The following ENDOD1 variants were observed in gnomAD, a reference collection of about 807,000 sequenced individuals.
ENDOD1 encodes the protein endonuclease domain containing 1.
Under a neutral mutation model 6.5 loss-of-function variants are expected in ENDOD1, and 9 were observed. The ratio of observed to expected loss-of-function variants is 1.39; its 90% CI spans 0.84 to 2.43. The LOEUF is 2.43. ENDOD1 is among the 30% of genes most tolerant of loss of function. ENDOD1 has a pLI of 0.00. For synonymous variants in ENDOD1, 255 were observed against 255.2 expected (o/e 1.00, Z 0.01); for missense variants, 648 against 635.5 (o/e 1.02, Z -0.21).
At chr11:95,108,313 G>A (rs903616356) in intron 1 of ENDOD1, among the ~76,000 whole-genome samples, 1 of 152,068 alleles carries the variant, frequency 6.6e-6, no homozygotes, top group African/African-American at 2.4e-5. Flanking sequence ...CAACACCTAC[G>A]GGTGTGCACA....
In ENDOD1 at chr11:95,128,494, CAA is replaced by C. The variant is rs1269880438; in HGVS notation, c.420_421del (p.Gly142ThrfsTer8). 6.2e-7 allele frequency: 1 copy of C among 1,614,090 alleles called. No homozygotes were observed. The highest frequency in any genetic ancestry group is 8.5e-7 in the Non-Finnish European group (1 of 1,180,052). ...TACAGATTACCTTGATTCTGATTAC[CAA>C]AGAGGACAGCTTTACCCATTCTCCC... Reference protein sequence around the residue: ...LNTDYLDSDYQRGQLYPFSLS... With the variant: ...LNTDYLDSDYXRGQLYPFSLS... On this transcript the variant is annotated frameshift_variant, in exon 2 of 2. Transcript: ENST00000278505. LOFTEE classifies it low-confidence loss of function (END_TRUNC).
At chr11:95,109,197 C>G (rs1182404128) in intron 1 of ENDOD1, among the ~76,000 whole-genome samples, 4 of 152,220 alleles carry the variant, frequency 2.6e-5, no homozygotes, top group East Asian at 3.9e-4. Context: ...AGGATCTTGT[C>G]GGAATCATCC....
chr11:95,115,392 T>TG (rs59697031), intron 1 of ENDOD1, among the ~76,000 whole-genome samples: 18,810 of 151,726 alleles, frequency 0.12, 1,472 homozygotes, highest in African/African-American at 0.23. Flanking sequence ...GTTTTTTTTT[T>TG]TGTGTGTGTG....
chr11:95,120,128 CG>C (rs1205473601), intron 1 of ENDOD1, among the ~76,000 whole-genome samples: 5 of 152,088 alleles, frequency 3.3e-5, no homozygotes, highest in Admixed American at 3.3e-4. Context: ...GTCCTAGAAT[CG>C]GGGGCCCCAA....
In ENDOD1 at chr11:95,109,496, T is replaced by C. The variant is rs148829330; in HGVS notation, c.301-18881T>C. ...CACTCCCTGGTGTGCAGGACCATCATGCTAGGTCTGGGAACACAGAGATAA... is the reference window on the plus strand; with the variant it reads ...CACTCCCTGGTGTGCAGGACCATCACGCTAGGTCTGGGAACACAGAGATAA... On this transcript the variant is annotated intron_variant, in intron 1 of 1. Coordinates refer to ENST00000278505, the MANE Select transcript of ENDOD1 (RefSeq NM_015036.3). 2.5e-3 allele frequency among the ~76,000 whole-genome samples: 376 copies of C among 152,372 alleles called. 2 individuals carry two copies. Among genetic ancestry groups the C allele is most frequent in the African/African-American group, 8.5e-3 (354 of 41,578 alleles).
At position 95,130,095 on chromosome 11, in the gene ENDOD1, C is replaced by T. The variant is rs1416742765; in HGVS notation, c.*516C>T. 2 of 152,512 alleles carry T rather than the reference C, an allele frequency of 1.3e-5. No individual in the cohort carries two copies. Among genetic ancestry groups the T allele is most frequent in the Non-Finnish European group, 2.9e-5 (2 of 68,368 alleles). 9.4% of individuals were successfully genotyped at this position (152,512 alleles called of 1,614,324 possible). ...GACCTTGGTGGAATGCAGATAATGC[C>T]TCTTTGTTGAAATAACTTTGTGGGA... On this transcript the variant is annotated 3_prime_UTR_variant, in exon 2 of 2. Transcript: ENST00000278505.
Position 95,128,948 on chromosome 11 carries a change from A to T in ENDOD1, c.872A>T (p.Asp291Val), listed in dbSNP as rs758941370. Residue 291 changes from aspartate (D) to valine (V), a missense_variant, in exon 2 of 2, where the codon GAT becomes GTT. Transcript: ENST00000278505. ...CTGGAAGTGGTTAACCAAATCCAGG[A>T]TGAAGAACGAATGGTACAATCTCAA... ...KILEVVNQIQ[D>V]EERMVQSQKS... 3.5e-5 allele frequency: 57 copies of T among 1,614,058 alleles called. No homozygotes were observed. The highest frequency in any genetic ancestry group is 4.7e-5 in the Non-Finnish European group (55 of 1,180,042).
At position 95,108,530 on chromosome 11, in the gene ENDOD1, C is replaced by A. The variant is rs1329732431; in HGVS notation, c.300+18303C>A. 1.6e-4 allele frequency among the ~76,000 whole-genome samples: 24 copies of A among 150,634 alleles called. 1 individual carries two copies. The highest frequency in any genetic ancestry group is 5.4e-4 in the African/African-American group (22 of 40,858). ...ACACACACACACACACACACACAGA[C>A]ACCCAAAAAAAGAAAAAAGAAAAAT... On this transcript the variant is annotated intron_variant, in intron 1 of 1. Coordinates refer to ENST00000278505, the MANE Select transcript of ENDOD1 (RefSeq NM_015036.3).
chr11:95,090,211 G>A lies in ENDOD1; in HGVS notation c.284G>A (p.Trp95Ter). Reference sequence around the variant, plus strand: ...GCGCCCGGCGGCGCCGAGCAGCGATGGCTGGTGGAGCCGCAGGTAAGCGAA... The same window carrying A: ...GCGCCCGGCGGCGCCGAGCAGCGATAGCTGGTGGAGCCGCAGGTAAGCGAA... Reference protein sequence around the residue: ...RPAPGGAEQRWLVEPQIDDPN... With the variant: ...RPAPGGAEQR The change falls in exon 1 of 2, where the codon TGG (tryptophan) becomes TAG (stop). Residue 95 changes from tryptophan (W) to a stop codon, truncating the protein, a stop_gained. Coordinates refer to ENST00000278505, the MANE Select transcript of ENDOD1 (RefSeq NM_015036.3). LOFTEE classifies it low-confidence loss of function (END_TRUNC). 7.2e-7 allele frequency: 1 copy of A among 1,397,486 alleles called. No homozygotes were observed. The highest frequency in any genetic ancestry group is 9.4e-7 in the Non-Finnish European group (1 of 1,062,842). 86.6% of individuals were successfully genotyped at this position (1,397,486 alleles called of 1,614,324 possible). A position where few individuals can be genotyped will look rare whatever the true frequency, so the allele number is the denominator to read the frequency against.
chr11:95,095,242 T>G lies in ENDOD1; in HGVS notation c.300+5015T>G, dbSNP rs146377564. Among the ~76,000 whole-genome samples, 6 of 152,354 alleles carry G rather than the reference T, an allele frequency of 3.9e-5. No homozygotes were observed. The East Asian group carries it at 1.2e-3, about 29-fold the overall frequency. ...TGAAATGTGTGGAAGATTGAATGAA[T>G]GGATGGAGGGTGGATTTGAGTGATT... On this transcript the variant is annotated intron_variant, in intron 1 of 1. Transcript: ENST00000278505.
At chr11:95,110,133 T>G (rs1346599909) in intron 1 of ENDOD1, among the ~76,000 whole-genome samples, 1 of 152,248 alleles carries the variant, frequency 6.6e-6, no homozygotes, top group Non-Finnish European at 1.5e-5. Context: ...CTTCGGAGGC[T>G]AAAGACATTC....
Position 95,090,061 on chromosome 11 carries a change from CG to C in ENDOD1, c.138del (p.Leu47TrpfsTer7). ...DKFFYAGTPP[A>X]GLAADSHVKI... ...TTCTTCTACGCCGGGACCCCGCCTG[CG>C]GGGCTGGCGGCCGATTCCCACGTGA... On this transcript the variant is annotated frameshift_variant, in exon 1 of 2. Transcript: ENST00000278505. LOFTEE classifies it high-confidence loss of function. 6.2e-7 allele frequency: 1 copy of C among 1,602,432 alleles called. No individual in the cohort carries two copies. Among genetic ancestry groups the C allele is most frequent in the Non-Finnish European group, 8.5e-7 (1 of 1,175,686 alleles).
chr11:95,093,424 T>C (rs1858950413), intron 1 of ENDOD1, among the ~76,000 whole-genome samples: 1 of 152,242 alleles, frequency 6.6e-6, no homozygotes, highest in African/African-American at 2.4e-5. Flanking sequence ...AAGACTCTGC[T>C]GAGGTGTCAC....
intron 1 of ENDOD1, among the ~76,000 whole-genome samples, chr11:95,127,358 A>G (rs1419140605): frequency 6.6e-6 from 1 of 152,232 alleles, no homozygotes; most frequent in Admixed American, 6.5e-5. Flanking sequence ...TATTGATGGC[A>G]ATTGATATAT....
At chr11:95,119,659 C>A (rs1371229206) in intron 1 of ENDOD1, among the ~76,000 whole-genome samples, 1 of 152,226 alleles carries the variant, frequency 6.6e-6, no homozygotes, top group African/African-American at 2.4e-5. Flanking sequence ...GCTGTAACCA[C>A]TCCCTGGCTA....
intron 1 of ENDOD1, among the ~76,000 whole-genome samples, chr11:95,091,878 A>G (rs1433460625): frequency 6.6e-6 from 1 of 152,176 alleles, no homozygotes; most frequent in Admixed American, 6.5e-5. Context: ...CTGACTAGCT[A>G]TGAACTTGGG....
intron 1 of ENDOD1, among the ~76,000 whole-genome samples, chr11:95,121,491 A>G (rs745726564): frequency 6.6e-6 from 1 of 152,232 alleles, no homozygotes; most frequent in Non-Finnish European, 1.5e-5. Flanking sequence ...CTCCTCTTGC[A>G]GTGCTAGTCA....
chr11:95,101,916 C>A (rs906137431), intron 1 of ENDOD1, among the ~76,000 whole-genome samples: 9 of 151,540 alleles, frequency 5.9e-5, no homozygotes, highest in Admixed American at 2.6e-4. Flanking sequence ...TCATATTTTC[C>A]TTTTTAATTT....
intron 1 of ENDOD1, among the ~76,000 whole-genome samples, chr11:95,092,368 A>G (rs627275): frequency 0.84 from 128,028 of 152,080 alleles, 54,506 homozygotes; most frequent in East Asian, 0.99. Context: ...CAGCTAGGGA[A>G]GGAGTGAGTC....
Sources: gnomAD v4.1 joint callset for allele counts (sites outside exome capture counted in the v4.1 genomes callset) on GRCh38, gnomAD v4.1.1 for gene constraint, MANE v1.5 for transcripts, NCBI Gene and HGNC (gene_info 2026-07-23, HGNC 2026-07-21) for gene names.